Variants in NDC80 observed in about 807,000 individuals in gnomAD.
NDC80 encodes the protein NDC80 kinetochore complex component.
NDC80 carries 69 observed loss-of-function variants against 89.3 expected under a neutral mutation model. The observed-to-expected ratio is 0.77, with a 90% CI of 0.64 to 0.94. NDC80 has a LOEUF of 0.94. Ranked by LOEUF, NDC80 falls within the 40% of genes least tolerant of loss-of-function variation. The pLI, the probability that NDC80 is intolerant of heterozygous loss-of-function variation, is 0.00. For synonymous variants in NDC80, 243 were observed against 255.6 expected (o/e 0.95, Z 0.47); for missense variants, 593 against 739.6 (o/e 0.80, Z 2.30).
intron 11 of NDC80, among the ~76,000 whole-genome samples, chr18:2,596,446 C>T (rs2072657131): frequency 6.6e-6 from 1 of 151,438 alleles, no homozygotes; most frequent in Admixed American, 6.6e-5. Context: ...CACTGGCCAT[C>T]AGAGAAATGC....
chr18:2,577,058 A>T (rs1381899452), intron 3 of NDC80, among the ~76,000 whole-genome samples: 1 of 152,202 alleles, frequency 6.6e-6, no homozygotes, highest in African/African-American at 2.4e-5. Context: ...AATGTAATTC[A>T]TCTCAGAGCT....
At chr18:2,612,015 G>C (rs1473737043) in intron 16 of NDC80, among the ~76,000 whole-genome samples, 1 of 151,870 alleles carries the variant, frequency 6.6e-6, no homozygotes, top group Non-Finnish European at 1.5e-5. Context: ...TTTTCAGCCA[G>C]TGTTATTCAT....
intron 6 of NDC80, among the ~76,000 whole-genome samples, chr18:2,583,293 A>G (rs1460873746): frequency 6.6e-6 from 1 of 152,204 alleles, no homozygotes; most frequent in Non-Finnish European, 1.5e-5. Context: ...AAGTAGCAAG[A>G]GTTTTCATAA....
At chr18:2,611,967 A>C (rs971804429) in intron 16 of NDC80, among the ~76,000 whole-genome samples, 1 of 151,822 alleles carries the variant, frequency 6.6e-6, no homozygotes, top group African/African-American at 2.4e-5. Flanking sequence ...CCACTTTCTA[A>C]TTCAAGCACT....
Position 2,606,279 on chromosome 18 carries a change from G to A in NDC80, c.1465-136G>A, listed in dbSNP as rs2072711059. 6 of 475,500 alleles carry A rather than the reference G, an allele frequency of 1.3e-5. No individual in the cohort carries two copies. The East Asian group carries it at 2.1e-4, about 17-fold the overall frequency. The allele number at this position is 475,500 out of a possible 1,614,324, so 29.5% of individuals were successfully genotyped here. ...AGAATAATAAAGTTTTTGGACAAAT[G>A]ATAAGTGAGAGTCCAAAAGGACTAG... On this transcript the variant is annotated intron_variant, in intron 13 of 16. Transcript: ENST00000261597.
chr18:2,609,814 G>A (rs1414372157), intron 15 of NDC80, among the ~76,000 whole-genome samples: 6 of 152,198 alleles, frequency 3.9e-5, no homozygotes, highest in African/African-American at 1.4e-4. Context: ...TTTGATGTGT[G>A]TGCTTAGATG....
intron 12 of NDC80, 21 bp downstream of exon 12, chr18:2,599,192 T>C (rs1194486083): frequency 3.2e-6 from 5 of 1,584,456 alleles, no homozygotes; most frequent in Non-Finnish European, 2.6e-6. Context: ...ATGACTACTT[T>C]TAAGATTTTT....
chr18:2,613,350 C>A (rs1176064523), intron 16 of NDC80, among the ~76,000 whole-genome samples: 1 of 152,192 alleles, frequency 6.6e-6, no homozygotes, highest in Admixed American at 6.5e-5. Context: ...CACAAAATCA[C>A]CTTTTTTTTC....
intron 16 of NDC80, among the ~76,000 whole-genome samples, chr18:2,611,896 T>A (rs371976227): frequency 2.0e-3 from 299 of 151,880 alleles, no homozygotes; most frequent in African/African-American, 6.8e-3. Context: ...GGTCTTCACT[T>A]TTTAGTGTGA....
Position 2,584,116 on chromosome 18 carries a change from C to T in NDC80, c.580-997C>T, listed in dbSNP as rs557946466. On this transcript the variant is annotated intron_variant, in intron 6 of 16. Coordinates refer to ENST00000261597, the MANE Select transcript of NDC80 (RefSeq NM_006101.3). Reference sequence around the variant, plus strand: ...CAGCCTGGCCAACATGGTGAAACCCCGTCTCTACTGAAAATATAAAAATTA... The same window carrying T: ...CAGCCTGGCCAACATGGTGAAACCCTGTCTCTACTGAAAATATAAAAATTA... 3.0e-4 allele frequency among the ~76,000 whole-genome samples: 46 copies of T among 151,800 alleles called. 1 individual carries two copies. In the South Asian group the frequency reaches 7.5e-3, roughly 25 times the overall value.
chr18:2,601,627 G>T, intron 13 of NDC80, 142 bp downstream of exon 13: 1 of 396,412 alleles, frequency 2.5e-6, no homozygotes, highest in Non-Finnish European at 4.7e-6. Flanking sequence ...GTATGCTCTC[G>T]ACAGAAATAT....
At chr18:2,607,965 GTATA>G (rs3033372) in intron 14 of NDC80, among the ~76,000 whole-genome samples, 4,351 of 68,104 alleles carry the variant, frequency 0.064, 410 homozygotes, top group African/African-American at 0.22. Context: ...TATATACATA[GTATA>G]TATATATATA....
chr18:2,572,337 T>C (rs9953982), intron 1 of NDC80, among the ~76,000 whole-genome samples: 2,422 of 152,252 alleles, frequency 0.016, 63 homozygotes, highest in African/African-American at 0.055. Context: ...AGACAAATTT[T>C]TTAGCAGATG....
intron 11 of NDC80, 103 bp downstream of exon 11, chr18:2,595,724 A>G (rs1378524608): frequency 2.3e-6 from 2 of 855,952 alleles, no homozygotes; most frequent in Non-Finnish European, 3.6e-6. Flanking sequence ...TTGGCTTAAG[A>G]GGTAAAACAT....
intron 4 of NDC80, 42 bp downstream of exon 4, chr18:2,577,911 G>A (rs1372365372): frequency 1.2e-6 from 2 of 1,609,480 alleles, no homozygotes; most frequent in South Asian, 1.1e-5. Context: ...GTTGTCATAG[G>A]TATTTTCCAA....
Position 2,594,417 on chromosome 18 carries a change from A to G in NDC80, c.1016-999A>G, listed in dbSNP as rs183721466. The G allele has an allele frequency of 6.3e-4, 100 of 159,592 alleles. 1 individual carries two copies. In the East Asian group the frequency reaches 0.017, roughly 27 times the overall value. The allele number at this position is 159,592 out of a possible 1,614,324, so 9.9% of individuals were successfully genotyped here. ...GCTACATTCAATGAGCTTTTTCAGA[A>G]AAAAATCAACAGTTTTCCTGCTGAA... On this transcript the variant is annotated intron_variant, in intron 10 of 16. Coordinates refer to ENST00000261597, the MANE Select transcript of NDC80 (RefSeq NM_006101.3).
intron 3 of NDC80, 71 bp downstream of exon 3, chr18:2,575,137 A>G: frequency 9.9e-7 from 1 of 1,012,156 alleles, no homozygotes; most frequent in Non-Finnish European, 1.5e-6. Context: ...CAGAGAACAA[A>G]TACATTAGAT....
chr18:2,596,323 T>C (rs1233460696), intron 11 of NDC80, among the ~76,000 whole-genome samples: 9 of 149,818 alleles, frequency 6.0e-5, no homozygotes, highest in East Asian at 2.0e-4. Flanking sequence ...TCAAACAAAT[T>C]TACAAGAAAA....
chr18:2,614,685 T>G (rs2072775198), intron 16 of NDC80, among the ~76,000 whole-genome samples: 1 of 151,794 alleles, frequency 6.6e-6, no homozygotes, highest in African/African-American at 2.4e-5. Flanking sequence ...AAACCAACTT[T>G]CACTCTAGGT....
Sources: allele counts gnomAD v4.1 joint callset (sites outside exome capture counted in the v4.1 genomes callset), GRCh38; gene constraint gnomAD v4.1.1; transcripts MANE v1.5; gene names NCBI Gene and HGNC (gene_info 2026-07-23, HGNC 2026-07-21).